The following WRN variants were observed in gnomAD, a reference collection of about 807,000 sequenced individuals.
WRN encodes bifunctional 3'-5' exonuclease/ATP-dependent helicase WRN.
WRN carries 149 observed loss-of-function variants against 180.7 expected under a neutral mutation model. The ratio of observed to expected loss-of-function variants is 0.82; its 90% CI spans 0.72 to 0.94. WRN has a LOEUF of 0.94. Among genes scored for constraint, WRN ranks in the 40% least tolerant of loss-of-function variants. The pLI, the probability that WRN is intolerant of heterozygous loss-of-function variation, is 0.00. For synonymous variants in WRN, 548 were observed against 568.9 expected (o/e 0.96, Z 0.52); for missense variants, 1,661 against 1,700.1 (o/e 0.98, Z 0.40).
intron 1 of WRN, among the ~76,000 whole-genome samples, chr8:31,037,496 T>C (rs1432045407): frequency 6.6e-6 from 1 of 152,234 alleles, no homozygotes; most frequent in African/African-American, 2.4e-5. Context: ...TTTCCTGTGT[T>C]TTCTTCAAGT....
chr8:31,110,226 G>A (rs1422332072), intron 18 of WRN, among the ~76,000 whole-genome samples: 1 of 152,034 alleles, frequency 6.6e-6, no homozygotes, highest in Non-Finnish European at 1.5e-5. Flanking sequence ...CCATGTTAGG[G>A]GTTAATTAGA....
Position 31,132,626 on chromosome 8 carries a change from T to C in WRN, c.2967+120T>C, listed in dbSNP as rs1802230175. On this transcript the variant is annotated intron_variant, in intron 24 of 34. Transcript: ENST00000298139. ...CTTCAGATGGGTGACTAGGAACTCA[T>C]AGAGTCTTACTAAGTTCCAGTTAAA... The C allele has an allele frequency of 5.8e-6, 8 of 1,384,310 alleles. No homozygotes were observed. The Admixed American group carries it at 9.3e-5, about 16-fold the overall frequency. 85.8% of individuals were successfully genotyped at this position (1,384,310 alleles called of 1,614,324 possible). A position where few individuals can be genotyped will look rare whatever the true frequency, so the allele number is the denominator to read the frequency against.
rs1474054365 is a variant in WRN at position 31,132,507 on chromosome 8, G to A, written c.2967+1G>A. On this transcript the variant is annotated splice_donor_variant, in intron 24 of 34. Coordinates refer to ENST00000298139, the MANE Select transcript of WRN (RefSeq NM_000553.6). LOFTEE classifies it high-confidence loss of function. ...TCCAATTTTATTTCTCCGAGGATCT[G>A]TAAGTATATATCTGTGAATTCCCTT... 1.2e-6 allele frequency: 2 copies of A among 1,614,134 alleles called. No individual in the cohort carries two copies. The highest frequency in any genetic ancestry group is 2.7e-5 in the African/African-American group (2 of 75,064).
chr8:31,103,575 C>T (rs1452452769), intron 18 of WRN, among the ~76,000 whole-genome samples: 1 of 132,468 alleles, frequency 7.5e-6, no homozygotes, highest in Non-Finnish European at 1.7e-5. Flanking sequence ...TTTCGGTGGT[C>T]TGTTCCTTTT....
chr8:31,091,051 C>CAGGT lies in WRN; in HGVS notation c.1829+111_1829+114dup. 5 of 856,244 alleles carry CAGGT rather than the reference C, an allele frequency of 5.8e-6. No individual in the cohort carries two copies. In the South Asian group the frequency reaches 6.8e-5, roughly 12 times the overall value. The allele number at this position is 856,244 out of a possible 1,614,324, so 53.0% of individuals were successfully genotyped here. A position where few individuals can be genotyped will look rare whatever the true frequency, so the allele number is the denominator to read the frequency against. ...TCTAGTTCACAATAACACATTTCTG[C>CAGGT]AGGTATTGCTTTATCTTTATTGGTA... On this transcript the variant is annotated intron_variant, in intron 15 of 34. Transcript: ENST00000298139.
chr8:31,086,127 A>C (rs1813520398), intron 11 of WRN, among the ~76,000 whole-genome samples: 1 of 152,346 alleles, frequency 6.6e-6, no homozygotes, highest in Non-Finnish European at 1.5e-5. Flanking sequence ...TAGCTAAATT[A>C]AGTAAAAAAT....
intron 18 of WRN, among the ~76,000 whole-genome samples, chr8:31,101,790 A>C (rs1800878711): frequency 6.7e-6 from 1 of 149,192 alleles, no homozygotes; most frequent in South Asian, 2.1e-4. Context: ...TCTGTCTCAA[A>C]AAAAAAAAAA....
At chr8:31,165,756 A>G (rs1803831826) in intron 33 of WRN, among the ~76,000 whole-genome samples, 1 of 152,064 alleles carries the variant, frequency 6.6e-6, no homozygotes, top group Admixed American at 6.6e-5. Context: ...TTGAAGACAA[A>G]TAAAAGGGAA....
chr8:31,068,939 G>A (rs2130059450), intron 7 of WRN, among the ~76,000 whole-genome samples: 1 of 152,300 alleles, frequency 6.6e-6, no homozygotes, highest in East Asian at 1.9e-4. Flanking sequence ...GTGAGCCCAG[G>A]CTTTTTGTTG....
At chr8:31,103,498 T>C (rs1800960451) in intron 18 of WRN, among the ~76,000 whole-genome samples, 1 of 152,170 alleles carries the variant, frequency 6.6e-6, no homozygotes, top group African/African-American at 2.4e-5. Flanking sequence ...ATTATAATCT[T>C]ATGGGACCAC....
chr8:31,167,291 A>G, intron 34 of WRN, 61 bp downstream of exon 34: 1 of 1,370,680 alleles, frequency 7.3e-7, no homozygotes, highest in Non-Finnish European at 1.0e-6. Flanking sequence ...ATATCCTAGT[A>G]CTAGAATGCT....
chr8:31,053,503 A>G (rs1032080501), intron 1 of WRN, among the ~76,000 whole-genome samples: 1 of 152,216 alleles, frequency 6.6e-6, no homozygotes, highest in African/African-American at 2.4e-5. Context: ...ATTACTGATT[A>G]TGTGGACAGT....
chr8:31,153,290 T>G (rs1228082986), intron 31 of WRN, among the ~76,000 whole-genome samples: 1 of 152,112 alleles, frequency 6.6e-6, no homozygotes, highest in African/African-American at 2.4e-5. Context: ...ACAAGACACA[T>G]TAGACTTTTG....
At chr8:31,055,803 C>T (rs938668861) in intron 1 of WRN, among the ~76,000 whole-genome samples, 3 of 152,002 alleles carry the variant, frequency 2.0e-5, no homozygotes, top group African/African-American at 4.8e-5. Flanking sequence ...AACGACATAG[C>T]GAGTACATAT....
chr8:31,102,216 G>T (rs1800902295), intron 18 of WRN, among the ~76,000 whole-genome samples: 1 of 152,142 alleles, frequency 6.6e-6, no homozygotes, highest in Non-Finnish European at 1.5e-5. Context: ...CCCACCCCTG[G>T]CCCTAGCCAC....
At chr8:31,132,117 A>G (rs1263010627) in intron 23 of WRN, among the ~76,000 whole-genome samples, 1 of 152,076 alleles carries the variant, frequency 6.6e-6, no homozygotes, top group East Asian at 1.9e-4. Context: ...GGTGCCTCCC[A>G]TGAAACTTGC....
At chr8:31,162,697 G>A (rs1488666934) in intron 33 of WRN, among the ~76,000 whole-genome samples, 4 of 152,188 alleles carry the variant, frequency 2.6e-5, no homozygotes, top group African/African-American at 9.7e-5. Flanking sequence ...GCATTGTGAT[G>A]TTACGATGGC....
At chr8:31,154,455 C>A (rs561919319) in intron 31 of WRN, among the ~76,000 whole-genome samples, 169 bp from the exon 32 acceptor site, 1 of 152,010 alleles carries the variant, frequency 6.6e-6, no homozygotes, top group Non-Finnish European at 1.5e-5. Context: ...CTTTTAAAAT[C>A]AATATGTTAA....
chr8:31,078,714 A>G (rs998549656), intron 8 of WRN, among the ~76,000 whole-genome samples: 2 of 152,204 alleles, frequency 1.3e-5, no homozygotes, highest in Non-Finnish European at 2.9e-5. Context: ...TATCTCTTCT[A>G]TTGCTGTCAT....
Sources: gnomAD v4.1 joint callset for allele counts (sites outside exome capture counted in the v4.1 genomes callset) on GRCh38, gnomAD v4.1.1 for gene constraint, MANE v1.5 for transcripts, NCBI Gene and HGNC (gene_info 2026-07-23, HGNC 2026-07-21) for gene names.